The following RHBDF1 variants were observed in gnomAD, a reference collection of about 807,000 sequenced individuals.
RHBDF1 encodes the protein rhomboid 5 homolog 1.
A neutral mutation model predicts 98.6 loss-of-function variants in RHBDF1; 80 were observed. That is an observed-to-expected ratio of 0.81 (90% CI 0.68 to 0.98). The LOEUF (loss-of-function observed/expected upper bound fraction) is 0.98. RHBDF1 is among the 50% of genes least tolerant of loss of function. RHBDF1 has a pLI of 0.00. For missense variants in RHBDF1, 1,116 were observed against 1,198.3 expected, an observed-to-expected ratio of 0.93 and a Z score of 1.01; for synonymous variants, 512 against 486.8, an observed-to-expected ratio of 1.05 and a Z score of -0.68.
intron 1 of RHBDF1, among the ~76,000 whole-genome samples, chr16:66,077 C>G (rs1897822198): frequency 6.6e-6 from 1 of 152,248 alleles, no homozygotes; most frequent in African/African-American, 2.4e-5. Context: ...GTCCCCAACC[C>G]AGGGGGACCA....
chr16:69,271 C>T (rs1350304700), intron 1 of RHBDF1, among the ~76,000 whole-genome samples: 1 of 152,180 alleles, frequency 6.6e-6, no homozygotes, highest in African/African-American at 2.4e-5. Context: ...GAGCAGCAAC[C>T]ACCTCTGTAC....
In RHBDF1 at chr16:58,320, C is replaced by T. The variant is rs754723578; in HGVS notation, c.*20G>A. 3.1e-5 allele frequency: 49 copies of T among 1,598,166 alleles called. No homozygotes were observed. Among genetic ancestry groups the T allele is most frequent in the Middle Eastern group, 4.3e-4 (2 of 4,692 alleles). On this transcript the variant is annotated 3_prime_UTR_variant, in exon 18 of 18. Coordinates refer to ENST00000262316, the MANE Select transcript of RHBDF1 (RefSeq NM_022450.5). ...GCTCTGGCCTGCTGGAGCACACGGC[C>T]GCTGGAGCCCGCAGCCAGCTCAGTG... is the stretch of plus-strand genomic sequence containing the variant.
In RHBDF1 at chr16:62,004, C is replaced by A. The variant is rs371815212; in HGVS notation, c.1002G>T (p.Pro334=). ...CCTGTCGGAGCCGCACCTTGGGCTGCGGGGCTGCGGCGCCCTCCTTCTGCT... is the reference window on the plus strand; with the variant it reads ...CCTGTCGGAGCCGCACCTTGGGCTGAGGGGCTGCGGCGCCCTCCTTCTGCT... ...WRKQKEGAAA[P]QPKVRLRQEV... The change falls in exon 8 of 18, where the codon CCG becomes CCT. Residue 334 remains proline (P), a synonymous_variant. Coordinates refer to ENST00000262316, the MANE Select transcript of RHBDF1 (RefSeq NM_022450.5). 2 of 1,550,322 alleles carry A rather than the reference C, an allele frequency of 1.3e-6. No homozygotes were observed. Among genetic ancestry groups the A allele is most frequent in the Non-Finnish European group, 1.7e-6 (2 of 1,154,748 alleles).
At position 61,082 on chromosome 16, in the gene RHBDF1, G is replaced by C. The variant is rs1439217256; in HGVS notation, c.1557+38C>G. 4 of 1,509,976 alleles carry C rather than the reference G, an allele frequency of 2.6e-6. No individual in the cohort carries two copies. In the South Asian group the frequency reaches 4.9e-5, roughly 18 times the overall value. The allele number at this position is 1,509,976 out of a possible 1,614,324, so 93.5% of individuals were successfully genotyped here. On this transcript the variant is annotated intron_variant, in intron 11 of 17. Coordinates refer to ENST00000262316, the MANE Select transcript of RHBDF1 (RefSeq NM_022450.5). ...TCTGAGGTCTGAAGAGCGAACACCG[G>C]GCAGACGAAGGCGGGAGTCCCGGGC...
chr16:73,424 T>A (rs572219000), upstream of RHBDF1, among the ~76,000 whole-genome samples: 4 of 152,202 alleles, frequency 2.6e-5, no homozygotes, highest in East Asian at 7.7e-4. Flanking sequence ...CTTCTCACTG[T>A]CTCAGAGCTC....
intron 1 of RHBDF1, among the ~76,000 whole-genome samples, chr16:68,140 A>G (rs1897876990): frequency 6.6e-6 from 1 of 152,164 alleles, no homozygotes; most frequent in Non-Finnish European, 1.5e-5. Context: ...CCATGCCTCT[A>G]CATCCAGGTC....
intron 3 of RHBDF1, 168 bp downstream of exon 3, chr16:64,531 G>T: frequency 6.5e-7 from 1 of 1,546,432 alleles, no homozygotes. Flanking sequence ...TGGGGTGAGA[G>T]CGGTCAGTAT....
rs2141849352 is a variant in RHBDF1 at position 61,640 on chromosome 16, A to G, written c.1265T>C (p.Val422Ala). Residue 422 changes from valine to alanine, a missense_variant, in exon 9 of 18, where the codon GTG (valine) becomes GCG (alanine). Coordinates refer to ENST00000262316, the MANE Select transcript of RHBDF1 (RefSeq NM_022450.5). Reference sequence around the variant, plus strand: ...CACGGGCGCGATGCCATAGATGCACACGGCTAGGATGGTGACGAGCGAGTG... The same window carrying G: ...CACGGGCGCGATGCCATAGATGCACGCGGCTAGGATGGTGACGAGCGAGTG... ...FVHSLVTILA[V>A]CIYGIAPVGF... 1 of 1,613,542 alleles carries G rather than the reference A, an allele frequency of 6.2e-7. No homozygotes were observed. Among genetic ancestry groups the G allele is most frequent in the Non-Finnish European group, 8.5e-7 (1 of 1,179,914 alleles).
upstream of RHBDF1, chr16:74,041 G>T: frequency 1.5e-6 from 1 of 654,288 alleles, no homozygotes; most frequent in Non-Finnish European, 1.9e-6. Context: ...CAATTCTCAT[G>T]TAGAAGGAGA....
chr16:66,969 G>A (rs544057362), intron 1 of RHBDF1, among the ~76,000 whole-genome samples: 10 of 152,304 alleles, frequency 6.6e-5, no homozygotes, highest in South Asian at 6.2e-4. Context: ...CATCTGACTC[G>A]TGACCCAAAC....
Position 58,444 on chromosome 16 carries a change from A to C in RHBDF1, c.2464T>G (p.Phe822Val). 6.2e-7 allele frequency: 1 copy of C among 1,614,106 alleles called. No homozygotes were observed. The highest frequency in any genetic ancestry group is 8.5e-7 in the Non-Finnish European group (1 of 1,180,040). ...LGLLAGLVVLFYVYPVRCEWC... is the reference protein window; with the variant it reads ...LGLLAGLVVLVYVYPVRCEWC... ...TCACAGCGGACAGGATAGACGTAGA[A>C]GAGGACCACCAGGCCAGCCAGGAGG... The change falls in exon 18 of 18, where the codon TTC (phenylalanine) becomes GTC (valine). Residue 822 changes from phenylalanine (F) to valine (V), a missense_variant. Physicochemically the swap from Phe to Val is conservative, Grantham distance 50. Transcript: ENST00000262316.
chr16:72,682 G>T, upstream of RHBDF1: 2 of 981,142 alleles, frequency 2.0e-6, no homozygotes, highest in Non-Finnish European at 2.4e-6. Flanking sequence ...GAGCGGGGCG[G>T]TCGCGCTGAC....
chr16:61,049 CGA>C (rs1897593499), intron 11 of RHBDF1, 69 bp downstream of exon 11: 1 of 1,457,202 alleles, frequency 6.9e-7, no homozygotes, highest in African/African-American at 1.4e-5. Flanking sequence ...ATCACTCTGC[CGA>C]GTCTATCTGA....
At chr16:73,438 G>A (rs371176816), upstream of RHBDF1, among the ~76,000 whole-genome samples, 2 of 152,142 alleles carry the variant, frequency 1.3e-5, no homozygotes, top group African/African-American at 4.8e-5. Context: ...AGAGCTCAGC[G>A]GCCACCCCGG....
chr16:61,486 C>CG, intron 9 of RHBDF1, 27 bp from the exon 10 acceptor site: 4 of 1,611,948 alleles, frequency 2.5e-6, no homozygotes, highest in Non-Finnish European at 3.4e-6. Flanking sequence ...CGGGATCAGA[C>CG]GGGCCCCGAC....
chr16:61,661 G>C lies in RHBDF1; in HGVS notation c.1244C>G (p.Ser415Trp), dbSNP rs748753668. 6.2e-7 allele frequency: 1 copy of C among 1,613,512 alleles called. No individual in the cohort carries two copies. The highest frequency in any genetic ancestry group is 2.2e-5 in the East Asian group (1 of 44,872). ...GCACACGGCTAGGATGGTGACGAGCGAGTGCACGAAGGTAAGCCAGTAGGT... is the reference window on the plus strand; with the variant it reads ...GCACACGGCTAGGATGGTGACGAGCCAGTGCACGAAGGTAAGCCAGTAGGT... Reference protein sequence around the residue: ...FFTYWLTFVHSLVTILAVCIY... With the variant: ...FFTYWLTFVHWLVTILAVCIY... Residue 415 changes from serine to tryptophan, a missense_variant, in exon 9 of 18, where the codon TCG becomes TGG. Physicochemically the swap from Ser to Trp is radical, Grantham distance 177. Coordinates refer to ENST00000262316, the MANE Select transcript of RHBDF1 (RefSeq NM_022450.5).
At chr16:70,015 G>GTT (rs1567119128) in intron 1 of RHBDF1, among the ~76,000 whole-genome samples, 2 of 152,002 alleles carry the variant, frequency 1.3e-5, no homozygotes, top group Non-Finnish European at 2.9e-5. Context: ...GGCAGGAGGG[G>GTT]GGGGGGCACT....
At position 59,738 on chromosome 16, in the gene RHBDF1, T is replaced by C; in HGVS notation, c.1811A>G (p.Lys604Arg). Reference protein sequence around the residue: ...ITGRPCCIGTKGRCEITSREY... With the variant: ...ITGRPCCIGTRGRCEITSREY... ...CGCTGGCACGCACACGTACCTGCCC[T>C]TGGTGCCAATGCAGCAGGGCCGTCC... The change falls in exon 14 of 18, where the codon AAG becomes AGG. Residue 604 changes from lysine to arginine, a missense_variant. By Grantham distance (26) the Lys-to-Arg change is conservative. Coordinates refer to ENST00000262316, the MANE Select transcript of RHBDF1 (RefSeq NM_022450.5). 6.2e-7 allele frequency: 1 copy of C among 1,614,064 alleles called. No individual in the cohort carries two copies. The highest frequency in any genetic ancestry group is 8.5e-7 in the Non-Finnish European group (1 of 1,180,010).
At chr16:63,871 C>T in intron 3 of RHBDF1, 71 bp from the exon 4 acceptor site, 1 of 1,303,000 alleles carries the variant, frequency 7.7e-7, no homozygotes, top group Non-Finnish European at 1.0e-6. Flanking sequence ...AAAGGCCCTC[C>T]TCCGGGGCAG....
Sources: allele counts gnomAD v4.1 joint callset (sites outside exome capture counted in the v4.1 genomes callset), GRCh38; gene constraint gnomAD v4.1.1; transcripts MANE v1.5; gene names NCBI Gene and HGNC (gene_info 2026-07-23, HGNC 2026-07-21).